CFDP1: variants seen among roughly 807,000 people sequenced by gnomAD.
CFDP1 encodes the protein chromatin remodeling protein CFDP1, also known as heterochromatin-stabilizing protein CFDP1.
In CFDP1, 31 loss-of-function variants were observed where a neutral mutation model predicts 40.1. That is an observed-to-expected ratio of 0.77 (90% CI 0.58 to 1.04). The LOEUF (loss-of-function observed/expected upper bound fraction) is 1.04, where lower values mean the gene tolerates loss of function less well. Ranked by LOEUF, CFDP1 falls within the 50% of genes least tolerant of loss-of-function variation. The pLI, the probability that CFDP1 is intolerant of heterozygous loss-of-function variation, is 0.00. For missense variants in CFDP1, 423 were observed against 343.4 expected (o/e 1.23, Z -1.83); for synonymous variants, 167 against 120.0 (o/e 1.39, Z -2.56).
At chr16:75,375,127 C>A (rs2078782561) in intron 5 of CFDP1, among the ~76,000 whole-genome samples, 1 of 150,972 alleles carries the variant, frequency 6.6e-6, no homozygotes, top group Non-Finnish European at 1.5e-5. Flanking sequence ...AACATAAAAG[C>A]CAGGACCATT....
intron 6 of CFDP1, among the ~76,000 whole-genome samples, chr16:75,301,534 G>GTTTTT (rs1346425244): frequency 4.0e-5 from 3 of 74,932 alleles, no homozygotes; most frequent in African/African-American, 5.8e-5. Context: ...GTTTTGTTGT[G>GTTTTT]TCTTTTTTTT....
At chr16:75,419,443 A>G (rs894904029) in intron 1 of CFDP1, among the ~76,000 whole-genome samples, 3 of 152,252 alleles carry the variant, frequency 2.0e-5, no homozygotes, top group African/African-American at 7.2e-5. Flanking sequence ...AATTAGAAAG[A>G]CATCACTTCT....
intron 1 of CFDP1, among the ~76,000 whole-genome samples, chr16:75,423,807 T>C (rs1022237184): frequency 6.6e-6 from 1 of 152,174 alleles, no homozygotes; most frequent in African/African-American, 2.4e-5. Flanking sequence ...TCAAGTGATC[T>C]GCACTCCTTG....
chr16:75,329,006 C>T (rs2078425568), intron 5 of CFDP1, among the ~76,000 whole-genome samples: 1 of 151,984 alleles, frequency 6.6e-6, no homozygotes, highest in African/African-American at 2.4e-5. Flanking sequence ...GCCACCATGC[C>T]TGGCTAATTT....
chr16:75,395,316 A>G (rs1225564845), intron 4 of CFDP1, 107 bp from the exon 5 acceptor site: 8 of 1,167,368 alleles, frequency 6.9e-6, no homozygotes, highest in African/African-American at 3.1e-5. Flanking sequence ...GGCTTCCAAT[A>G]AATTCTGGAC....
At chr16:75,320,260 C>T (rs753051781) in intron 5 of CFDP1, among the ~76,000 whole-genome samples, 1 of 152,124 alleles carries the variant, frequency 6.6e-6, no homozygotes, top group Non-Finnish European at 1.5e-5. Flanking sequence ...CTGAGACCCC[C>T]TCGGAGCATG....
chr16:75,295,347 T>C (rs910146094), intron 6 of CFDP1, among the ~76,000 whole-genome samples: 3 of 152,242 alleles, frequency 2.0e-5, no homozygotes, highest in Non-Finnish European at 2.9e-5. Flanking sequence ...TGTCTGTGAC[T>C]CTGCAAGTCA....
chr16:75,305,465 T>C, intron 5 of CFDP1: 3 of 329,378 alleles, frequency 9.1e-6, no homozygotes, highest in Non-Finnish European at 1.7e-5. Context: ...GGTCTCTGCT[T>C]GCAAGGAGGG....
intron 5 of CFDP1, among the ~76,000 whole-genome samples, chr16:75,308,971 T>C (rs1416062281): frequency 3.3e-5 from 5 of 152,224 alleles, no homozygotes; most frequent in South Asian, 2.1e-4. Flanking sequence ...CTTCCAACTC[T>C]CCTTTCACTG....
At chr16:75,298,552 G>A (rs2078200086) in intron 6 of CFDP1, among the ~76,000 whole-genome samples, 1 of 152,224 alleles carries the variant, frequency 6.6e-6, no homozygotes, top group Admixed American at 6.5e-5. Context: ...AGGACAAAAA[G>A]TGGGTAAATG....
intron 5 of CFDP1, among the ~76,000 whole-genome samples, chr16:75,390,844 C>A (rs1010015149): frequency 6.6e-6 from 1 of 152,196 alleles, no homozygotes; most frequent in Non-Finnish European, 1.5e-5. Context: ...CCCTTTCAGG[C>A]CTAGGGGTAG....
chr16:75,294,285 C>T (rs1347138551), intron 6 of CFDP1, among the ~76,000 whole-genome samples: 4 of 152,172 alleles, frequency 2.6e-5, no homozygotes, highest in Non-Finnish European at 4.4e-5. Context: ...GAAGATGTTG[C>T]AATTTTCTAA....
At chr16:75,389,153 T>C (rs2078926264) in intron 5 of CFDP1, among the ~76,000 whole-genome samples, 1 of 152,046 alleles carries the variant, frequency 6.6e-6, no homozygotes, top group Admixed American at 6.6e-5. Flanking sequence ...GGCTTGAAAA[T>C]AGGTAGCAAA....
At chr16:75,373,367 T>C (rs141876100) in intron 5 of CFDP1, among the ~76,000 whole-genome samples, 89 of 152,328 alleles carry the variant, frequency 5.8e-4, no homozygotes, top group African/African-American at 2.1e-3. Flanking sequence ...ACTGGCCTTA[T>C]ACCAAGTTTT....
chr16:75,427,594 C>A (rs1021613524), intron 1 of CFDP1, among the ~76,000 whole-genome samples: 5 of 152,088 alleles, frequency 3.3e-5, no homozygotes, highest in African/African-American at 1.2e-4. Flanking sequence ...ACAAAAAAAT[C>A]TGACCACCCC....
At chr16:75,407,928 T>C (rs1277106195) in intron 4 of CFDP1, among the ~76,000 whole-genome samples, 1 of 151,772 alleles carries the variant, frequency 6.6e-6, no homozygotes, top group African/African-American at 2.4e-5. Context: ...GGCAAAATGG[T>C]GAAACCCATC....
chr16:75,410,483 T>A (rs531304273), intron 4 of CFDP1, among the ~76,000 whole-genome samples: 1 of 151,782 alleles, frequency 6.6e-6, no homozygotes, highest in East Asian at 1.9e-4. Flanking sequence ...GCTAAGAAAA[T>A]AATATTGAGG....
intron 1 of CFDP1, among the ~76,000 whole-genome samples, chr16:75,432,337 A>T (rs541655478): frequency 6.8e-6 from 1 of 146,344 alleles, no homozygotes; most frequent in South Asian, 2.2e-4. Context: ...CGAGTTCGAG[A>T]CCAGCCTGGG....
At chr16:75,330,962 TAAAA>T (rs11333509) in intron 5 of CFDP1, among the ~76,000 whole-genome samples, 1 of 127,690 alleles carries the variant, frequency 7.8e-6, no homozygotes, top group Non-Finnish European at 1.6e-5. Flanking sequence ...TTCCAATTAT[TAAAA>T]AAAAAAAAAA....
Sources: allele counts gnomAD v4.1 joint callset (sites outside exome capture counted in the v4.1 genomes callset), GRCh38; gene constraint gnomAD v4.1.1; transcripts MANE v1.5; gene names NCBI Gene and HGNC (gene_info 2026-07-23, HGNC 2026-07-21).